Variants in RASA3 observed in about 807,000 individuals in gnomAD.
The protein encoded by RASA3 is ras GTPase-activating protein 3.
RASA3 carries 73 observed loss-of-function variants against 110.0 expected under a neutral mutation model. The observed-to-expected ratio is 0.66, with a 90% CI of 0.55 to 0.81. The LOEUF is 0.81. Ranked by LOEUF, RASA3 falls within the 30% of genes least tolerant of loss-of-function variation. The probability of loss-of-function intolerance (pLI) is 0.00; values close to 1 mark genes in which losing one functional copy is unlikely to be tolerated. For synonymous variants in RASA3, 500 were observed against 451.4 expected (o/e 1.11, Z -1.37); for missense variants, 976 against 1,113.2 (o/e 0.88, Z 1.75).
intron 1 of RASA3, among the ~76,000 whole-genome samples, chr13:114,124,892 C>T (rs985897942): frequency 2.0e-5 from 3 of 152,188 alleles, no homozygotes; most frequent in East Asian, 1.9e-4. Context: ...ACTCACCCAC[C>T]GTATACATAG....
intron 9 of RASA3, 61 bp from the exon 10 acceptor site, chr13:114,018,980 C>T: frequency 6.3e-7 from 1 of 1,594,874 alleles, no homozygotes; most frequent in East Asian, 2.2e-5. Context: ...GAGCAGCTCT[C>T]AGGGAAGCCC....
chr13:114,059,207 T>A (rs949665149), intron 2 of RASA3, among the ~76,000 whole-genome samples: 4 of 152,174 alleles, frequency 2.6e-5, no homozygotes, highest in Admixed American at 6.5e-5. Context: ...CTCCTGCATC[T>A]TCAGAGCACA....
chr13:114,059,918 C>T (rs2079308103), intron 2 of RASA3, among the ~76,000 whole-genome samples: 1 of 152,250 alleles, frequency 6.6e-6, no homozygotes, highest in South Asian at 2.1e-4. Flanking sequence ...AAAGAGCACA[C>T]AGAACCACGA....
At chr13:114,090,263 T>A (rs750170582) in intron 1 of RASA3, among the ~76,000 whole-genome samples, 1 of 152,202 alleles carries the variant, frequency 6.6e-6, no homozygotes, top group Non-Finnish European at 1.5e-5. Flanking sequence ...AGCGCAAGCG[T>A]TACCATGTCT....
intron 2 of RASA3, among the ~76,000 whole-genome samples, chr13:114,070,680 G>A (rs1448672135): frequency 1.3e-5 from 2 of 148,904 alleles, no homozygotes; most frequent in African/African-American, 5.0e-5. Context: ...CGTGGGCAGG[G>A]CTGCCGGCGT....
intron 1 of RASA3, among the ~76,000 whole-genome samples, chr13:114,080,436 C>T (rs563785831): frequency 1.7e-4 from 26 of 152,288 alleles, no homozygotes; most frequent in African/African-American, 6.0e-4. Context: ...CGTCCAGTCT[C>T]CTTGAGAGCA....
At chr13:114,000,793 G>C (rs560340049) in intron 19 of RASA3, 33 bp downstream of exon 19, 1 of 1,484,970 alleles carries the variant, frequency 6.7e-7, no homozygotes, top group African/African-American at 1.4e-5. Context: ...GCACGCTCCA[G>C]CAAGAGCCAG....
intron 8 of RASA3, among the ~76,000 whole-genome samples, chr13:114,022,726 G>A (rs1394477972): frequency 1.3e-5 from 2 of 152,196 alleles, no homozygotes; most frequent in African/African-American, 2.4e-5. Flanking sequence ...CCAGGCAGGC[G>A]CATTTGCCTT....
intron 3 of RASA3, among the ~76,000 whole-genome samples, chr13:114,050,418 T>G (rs887013870): frequency 6.6e-6 from 1 of 152,264 alleles, no homozygotes; most frequent in African/African-American, 2.4e-5. Flanking sequence ...TGTGACCCAT[T>G]CCATGTATTT....
chr13:114,020,929 C>G (rs1248741574), intron 9 of RASA3, among the ~76,000 whole-genome samples: 1 of 152,242 alleles, frequency 6.6e-6, no homozygotes, highest in Non-Finnish European at 1.5e-5. Context: ...CTGATGCCCT[C>G]CCCTACTGGT....
At chr13:114,051,149 G>A (rs552985963) in intron 3 of RASA3, among the ~76,000 whole-genome samples, 4 of 152,264 alleles carry the variant, frequency 2.6e-5, no homozygotes, top group South Asian at 4.1e-4. Flanking sequence ...CCAAGCTGGG[G>A]GTCCCCCTGG....
chr13:114,004,281 C>T (rs965045172), intron 18 of RASA3, among the ~76,000 whole-genome samples: 12 of 151,922 alleles, frequency 7.9e-5, no homozygotes, highest in Middle Eastern at 3.4e-3. Context: ...AGCAAACAGA[C>T]GACCTGCAGA....
intron 21 of RASA3, 73 bp downstream of exon 21, chr13:113,996,458 G>GT: frequency 7.0e-7 from 1 of 1,430,150 alleles, no homozygotes; most frequent in Non-Finnish European, 9.6e-7. Flanking sequence ...CTGTCTGCTG[G>GT]TCCCTCCCTA....
chr13:114,119,725 GCCC>G (rs60926740), intron 1 of RASA3, among the ~76,000 whole-genome samples: 3 of 24,194 alleles, frequency 1.2e-4, no homozygotes, highest in Non-Finnish European at 1.6e-4. Flanking sequence ...GTCGATCAGG[GCCC>G]CCCCTCCCTC....
At chr13:114,095,833 C>T (rs925637446) in intron 1 of RASA3, among the ~76,000 whole-genome samples, 1 of 152,188 alleles carries the variant, frequency 6.6e-6, no homozygotes, top group Non-Finnish European at 1.5e-5. Flanking sequence ...TCCAACTCCA[C>T]AATTCTGTGA....
intron 1 of RASA3, among the ~76,000 whole-genome samples, chr13:114,080,082 G>C (rs1283174131): frequency 6.6e-6 from 1 of 152,216 alleles, no homozygotes; most frequent in Admixed American, 6.5e-5. Context: ...GGGCCGAGTC[G>C]AGGGCAGACG....
chr13:114,055,161 CGTGTGCATGGGT>C (rs2079221635), intron 2 of RASA3, among the ~76,000 whole-genome samples: 1 of 151,942 alleles, frequency 6.6e-6, no homozygotes, highest in Non-Finnish European at 1.5e-5. Context: ...CCCACAGGCA[CGTGTGCATGGGT>C]GTGTGCATGC....
intron 16 of RASA3, among the ~76,000 whole-genome samples, chr13:114,009,839 G>A (rs572232991): frequency 6.6e-6 from 1 of 152,350 alleles, no homozygotes; most frequent in Admixed American, 6.5e-5. Context: ...GAGCCCCCAC[G>A]CCCATCTCTC....
chr13:114,113,275 C>T (rs950129276), intron 1 of RASA3, among the ~76,000 whole-genome samples: 18 of 152,328 alleles, frequency 1.2e-4, no homozygotes, highest in African/African-American at 3.8e-4. Flanking sequence ...GGGCCTCAGA[C>T]GGCTCTTCCC....
Sources: allele counts gnomAD v4.1 joint callset (sites outside exome capture counted in the v4.1 genomes callset), GRCh38; gene constraint gnomAD v4.1.1; transcripts MANE v1.5; gene names NCBI Gene and HGNC (gene_info 2026-07-23, HGNC 2026-07-21).